The following CAMK2A variants were observed in gnomAD, a reference collection of about 807,000 sequenced individuals.
CAMK2A encodes calcium/calmodulin dependent protein kinase II alpha, also known as calcium/calmodulin-dependent protein kinase type II subunit alpha.
In CAMK2A, 7 loss-of-function variants were observed where a neutral mutation model predicts 79.2. That is an observed-to-expected ratio of 0.09 (90% CI 0.05 to 0.17). The LOEUF is 0.17. Ranked by LOEUF, CAMK2A falls within the 10% of genes least tolerant of loss-of-function variation. The probability of loss-of-function intolerance (pLI) is 1.00; values close to 1 mark genes in which losing one functional copy is unlikely to be tolerated. For synonymous variants in CAMK2A, 242 were observed against 251.7 expected, an observed-to-expected ratio of 0.96 and a Z score of 0.36; for missense variants, 214 against 646.4, an observed-to-expected ratio of 0.33 and a Z score of 7.25.
intron 12 of CAMK2A, chr5:150,245,411 G>A (rs73796382): frequency 3.4e-5 from 20 of 589,792 alleles, no homozygotes; most frequent in Non-Finnish European, 4.8e-5. Flanking sequence ...TGGGTTCCCC[G>A]CCTTCTCAGC....
upstream of CAMK2A, chr5:150,289,967 C>T (rs887362969): frequency 1.1e-5 from 3 of 277,140 alleles, no homozygotes; most frequent in East Asian, 7.5e-5. Flanking sequence ...CCTGTGTGGG[C>T]CTGGGGGTGG....
rs543938800 is a variant in CAMK2A, at chr5:150,284,368, T to C, written c.62+5196A>G. On this transcript the variant is annotated intron_variant, in intron 1 of 18. Coordinates refer to ENST00000671881, the MANE Select transcript of CAMK2A (RefSeq NM_015981.4). This position sits in a 1 kb window ranked among gnomAD's most constrained non-coding sequence, Gnocchi z 5.3. ...ACGCATGTGTGTGTGTGAGCACGCA[T>C]GCATCAGCAACAGGATGCGAGTGTT... is the stretch of plus-strand genomic sequence containing the variant. Among the ~76,000 whole-genome samples, 2 of 152,266 alleles carry C rather than the reference T, an allele frequency of 1.3e-5. No homozygotes were observed. Among genetic ancestry groups the C allele is most frequent in the Admixed American group, 1.3e-4 (2 of 15,302 alleles).
In CAMK2A at chr5:150,223,807, A is replaced by G. The variant is rs1403904741; in HGVS notation, c.1238-590T>C. 2.0e-5 allele frequency among the ~76,000 whole-genome samples: 3 copies of G among 152,226 alleles called. No homozygotes were observed. The highest frequency in any genetic ancestry group is 7.2e-5 in the African/African-American group (3 of 41,450). On this transcript the variant is annotated intron_variant, in intron 17 of 18. Coordinates refer to ENST00000671881, the MANE Select transcript of CAMK2A (RefSeq NM_015981.4). The surrounding 1 kb of genome is among the most constrained non-coding windows in gnomAD (Gnocchi z 4.1). ...AGAATCTGGAAATCTGAATTTTTAT[A>G]TGAAAACTCTTCATTTTTTAGTATT...
chr5:150,283,879 A>G (rs1273896842), intron 1 of CAMK2A, among the ~76,000 whole-genome samples: 2 of 152,168 alleles, frequency 1.3e-5, no homozygotes, highest in East Asian at 3.9e-4. Context: ...TCCTCTTCTT[A>G]TATGACCCTA....
At chr5:150,262,389 G>C (rs1005638438) in intron 3 of CAMK2A, among the ~76,000 whole-genome samples, 1 of 152,120 alleles carries the variant, frequency 6.6e-6, no homozygotes, top group Non-Finnish European at 1.5e-5. Context: ...TTTGAAGGAA[G>C]ATGCTTGGAG....
chr5:150,231,357 CT>C lies in CAMK2A; in HGVS notation c.1089del (p.Val364Ter). The C allele has an allele frequency of 6.3e-7, 1 of 1,586,260 alleles. No homozygotes were observed. Among genetic ancestry groups the C allele is most frequent in the South Asian group, 1.2e-5 (1 of 86,160 alleles). On this transcript the variant is annotated frameshift_variant, in exon 16 of 19. Coordinates refer to ENST00000671881, the MANE Select transcript of CAMK2A (RefSeq NM_015981.4). LOFTEE classifies it high-confidence loss of function. ...ATGGCTTCAATCAGCTGCTCTGTCA[CT>C]TTTATAATTTCCTGTTTCCGCACTG... ...DTKVRKQEII[K>X]VTEQLIEAIS... is the part of the protein sequence containing the mutation.
Position 150,222,112 on chromosome 5 carries a change from A to G in CAMK2A, c.*598T>C, listed in dbSNP as rs992306351. The G allele has an allele frequency of 5.2e-5, 11 of 211,856 alleles. No homozygotes were observed. Among genetic ancestry groups the G allele is most frequent in the Non-Finnish European group, 1.1e-4 (11 of 104,440 alleles). 13.1% of individuals were successfully genotyped at this position (211,856 alleles called of 1,614,324 possible). The stretch of plus-strand genomic sequence containing the variant: ...AAGTAGGGGCACCTGAGAGGGCCAC[A>G]TCCCCCACACCGAGGGAAGGGTCAG... On this transcript the variant is annotated 3_prime_UTR_variant, in exon 19 of 19. Transcript: ENST00000671881.
chr5:150,264,537 G>A (rs1459012430), intron 3 of CAMK2A, among the ~76,000 whole-genome samples: 1 of 152,186 alleles, frequency 6.6e-6, no homozygotes, highest in African/African-American at 2.4e-5. Flanking sequence ...GCCTGAGTTG[G>A]AGCTTGACCC....
chr5:150,282,925 T>A, intron 1 of CAMK2A, among the ~76,000 whole-genome samples: 1 of 152,256 alleles, frequency 6.6e-6, no homozygotes, highest in East Asian at 1.9e-4. Context: ...ACCATTGGAA[T>A]GTCTTCCTTC....
intron 17 of CAMK2A, among the ~76,000 whole-genome samples, chr5:150,225,794 G>C (rs1403908820): frequency 2.0e-5 from 3 of 152,110 alleles, no homozygotes; most frequent in Non-Finnish European, 4.4e-5. Context: ...GCCCAGGCTG[G>C]AGTGCAGTGG....
chr5:150,250,099 T>C lies in CAMK2A; in HGVS notation c.900+127A>G. 4.3e-6 allele frequency: 3 copies of C among 694,206 alleles called. No individual in the cohort carries two copies. The South Asian group carries it at 5.1e-5, about 12-fold the overall frequency. The allele number at this position is 694,206 out of a possible 1,614,324, so 43.0% of individuals were successfully genotyped here. On this transcript the variant is annotated intron_variant, in intron 11 of 18. Coordinates refer to ENST00000671881, the MANE Select transcript of CAMK2A (RefSeq NM_015981.4). The stretch of plus-strand genomic sequence containing the variant: ...GCCCAACCTGCTGTCCAGTATGCAG[T>C]AGGTGTTCAATAAATGCTTATTGAA...
At chr5:150,242,114 G>A (rs933714710) in intron 13 of CAMK2A, among the ~76,000 whole-genome samples, 6 of 152,192 alleles carry the variant, frequency 3.9e-5, no homozygotes, top group South Asian at 2.1e-4. Context: ...ATGAGCAGTC[G>A]GCCCTCCTCC....
At position 150,223,153 on chromosome 5, in the gene CAMK2A, G is replaced by A. The variant is rs376355423; in HGVS notation, c.1302C>T (p.Gly434=). 445 of 1,613,916 alleles carry A rather than the reference G, an allele frequency of 2.8e-4. No individual in the cohort carries two copies. The highest frequency in any genetic ancestry group is 3.5e-4 in the Non-Finnish European group (415 of 1,180,056). The stretch of plus-strand genomic sequence containing the variant: ...TGTAGGCGATGCAGGCTGACTCGTC[G>A]CCCATCAGGTGGATGTGGGGATTCA... The part of the protein sequence containing the change: ...TILNPHIHLM[G]DESACIAYIR... The change falls in exon 18 of 19, where the codon GGC becomes GGT. Residue 434 remains glycine (G), a synonymous_variant. Transcript: ENST00000671881. The surrounding 1 kb of genome is among the most constrained non-coding windows in gnomAD (Gnocchi z 4.1).
intron 2 of CAMK2A, among the ~76,000 whole-genome samples, chr5:150,265,640 C>T (rs1756481635): frequency 6.6e-6 from 1 of 152,130 alleles, no homozygotes; most frequent in African/African-American, 2.4e-5. Context: ...ATACTAGGTG[C>T]TCAAGAAATA....
chr5:150,238,783 C>A (rs1755207657), intron 14 of CAMK2A, 35 bp from the exon 15 acceptor site: 2 of 1,564,794 alleles, frequency 1.3e-6, no homozygotes, highest in Non-Finnish European at 1.7e-6. Context: ...GTGAGGCCTG[C>A]CTGGGAGCGG....
intron 3 of CAMK2A, among the ~76,000 whole-genome samples, chr5:150,260,035 A>G (rs533649612): frequency 4.6e-5 from 7 of 152,288 alleles, no homozygotes; most frequent in Non-Finnish European, 8.8e-5. Flanking sequence ...CCAGATATCC[A>G]CTACCTAGGT....
At chr5:150,250,878 T>A in intron 9 of CAMK2A, 68 bp from the exon 10 acceptor site, 2 of 1,576,256 alleles carry the variant, frequency 1.3e-6, no homozygotes, top group South Asian at 2.3e-5. Context: ...CCCCAGCCCC[T>A]GACTGGCAGG....
chr5:150,247,597 C>G (rs530106437), intron 12 of CAMK2A, among the ~76,000 whole-genome samples, 175 bp downstream of exon 12: 1 of 152,148 alleles, frequency 6.6e-6, no homozygotes, highest in Non-Finnish European at 1.5e-5. Context: ...CTTTTGACCT[C>G]TCTTCACTTC....
intron 13 of CAMK2A, among the ~76,000 whole-genome samples, chr5:150,243,891 G>T (rs1339431206): frequency 6.6e-6 from 1 of 152,182 alleles, no homozygotes; most frequent in African/African-American, 2.4e-5. Flanking sequence ...TCTGGTTGAA[G>T]TGGGTATGAG....
Sources: gnomAD v4.1 joint callset for allele counts (sites outside exome capture counted in the v4.1 genomes callset) on GRCh38, gnomAD v4.1.1 for gene constraint, Gnocchi (gnomAD v3.1) non-coding constraint, MANE v1.5 for transcripts, NCBI Gene and HGNC (gene_info 2026-07-23, HGNC 2026-07-21) for gene names.